Variants in LRRTM4 observed in about 807,000 individuals in gnomAD.
The protein encoded by LRRTM4 is leucine rich repeat transmembrane neuronal 4.
LRRTM4 carries 25 observed loss-of-function variants against 47.6 expected under a neutral mutation model. The ratio of observed to expected loss-of-function variants is 0.53; its 90% confidence interval spans 0.38 to 0.73. LRRTM4 has a LOEUF of 0.73. Ranked by LOEUF, LRRTM4 falls within the 30% of genes least tolerant of loss-of-function variation. The pLI, the probability that LRRTM4 is intolerant of heterozygous loss-of-function variation, is 0.00. For synonymous variants in LRRTM4, 311 were observed against 269.5 expected (o/e 1.15, Z -1.51); for missense variants, 638 against 713.4 (o/e 0.89, Z 1.20).
chr2:77,092,142 T>G (rs1178445941), intron 3 of LRRTM4, among the ~76,000 whole-genome samples: 1 of 152,158 alleles, frequency 6.6e-6, no homozygotes, highest in Non-Finnish European at 1.5e-5. Flanking sequence ...ACCTGACGCA[T>G]ATACTTTCTG....
At chr2:76,774,591 T>A (rs915236171) in intron 3 of LRRTM4, among the ~76,000 whole-genome samples, 7 of 152,162 alleles carry the variant, frequency 4.6e-5, no homozygotes, top group Non-Finnish European at 1.0e-4. Context: ...CCTTATTATC[T>A]TCACATTGAG....
intron 3 of LRRTM4, among the ~76,000 whole-genome samples, chr2:77,260,279 A>G (rs1414458208): frequency 6.6e-6 from 1 of 152,066 alleles, no homozygotes; most frequent in Non-Finnish European, 1.5e-5. Flanking sequence ...ATGAACGAGT[A>G]AAAGTGCATA....
chr2:76,858,031 A>C (rs1049217081), intron 3 of LRRTM4, among the ~76,000 whole-genome samples: 1 of 152,152 alleles, frequency 6.6e-6, no homozygotes, highest in Non-Finnish European at 1.5e-5. Context: ...ATAACAATTG[A>C]AACAGTATAA....
intron 3 of LRRTM4, among the ~76,000 whole-genome samples, chr2:77,195,107 T>C (rs1217151347): frequency 6.6e-6 from 1 of 151,952 alleles, no homozygotes; most frequent in Non-Finnish European, 1.5e-5. Flanking sequence ...TTCAACAATA[T>C]CCCTTTGGTT....
At chr2:76,808,252 T>C (rs1433918355) in intron 3 of LRRTM4, among the ~76,000 whole-genome samples, 1 of 152,038 alleles carries the variant, frequency 6.6e-6, no homozygotes, top group African/African-American at 2.4e-5. Context: ...ACTCCTGACT[T>C]CGTGATCCGC....
chr2:76,937,086 G>T (rs926657903), intron 3 of LRRTM4, among the ~76,000 whole-genome samples: 2 of 151,208 alleles, frequency 1.3e-5, no homozygotes, highest in African/African-American at 4.9e-5. Flanking sequence ...CATCATCTGA[G>T]GGTGAAAGTT....
Position 76,783,654 on chromosome 2 carries a change from G to GAATT in LRRTM4, c.1552-34742_1552-34739dup, listed in dbSNP as rs139191808. Among the ~76,000 whole-genome samples, 485 of 152,224 alleles carry GAATT rather than the reference G, an allele frequency of 3.2e-3. 6 individuals are homozygous for GAATT. The East Asian group carries it at 0.051, about 16-fold the overall frequency. The stretch of plus-strand genomic sequence containing the variant: ...CAAGGAAATTAATTGATTTAATCCT[G>GAATT]AATTAAAACTAATTCCGGGTAAAAC... On this transcript the variant is annotated intron_variant, in intron 3 of 3. Coordinates refer to ENST00000409884, the MANE Select transcript of LRRTM4 (RefSeq NM_001134745.3).
chr2:77,339,342 T>G, intron 3 of LRRTM4, among the ~76,000 whole-genome samples: 1 of 152,076 alleles, frequency 6.6e-6, no homozygotes, highest in East Asian at 1.9e-4. Context: ...CTAAAAATAC[T>G]TTAAATATAA....
At chr2:77,399,149 T>A (rs939538899) in intron 3 of LRRTM4, among the ~76,000 whole-genome samples, 1 of 150,444 alleles carries the variant, frequency 6.6e-6, no homozygotes, top group Admixed American at 6.7e-5. Flanking sequence ...TCAATAGGGG[T>A]CCAGAACAAC....
chr2:76,952,091 G>A (rs1343303605), intron 3 of LRRTM4, among the ~76,000 whole-genome samples: 2 of 151,996 alleles, frequency 1.3e-5, no homozygotes, highest in Non-Finnish European at 1.5e-5. Context: ...ATAAACATAG[G>A]TGTGCATGTG....
intron 3 of LRRTM4, among the ~76,000 whole-genome samples, chr2:77,258,845 T>C (rs1216018930): frequency 6.6e-6 from 1 of 151,918 alleles, no homozygotes; most frequent in Non-Finnish European, 1.5e-5. Flanking sequence ...AGTTCACCTA[T>C]TAATTAGAAT....
intron 3 of LRRTM4, among the ~76,000 whole-genome samples, chr2:76,796,117 A>G (rs1675302425): frequency 7.1e-6 from 1 of 141,014 alleles, no homozygotes; most frequent in South Asian, 2.3e-4. Flanking sequence ...CAGGCTTAAA[A>G]AAACGGCACA....
rs183404764 is a variant in LRRTM4 at position 77,290,177 on chromosome 2, C to T, written c.1551+228141G>A. 6.0e-4 allele frequency among the ~76,000 whole-genome samples: 91 copies of T among 152,020 alleles called. No individual in the cohort carries two copies. The East Asian group carries it at 0.018, about 29-fold the overall frequency. On this transcript the variant is annotated intron_variant, in intron 3 of 3. Transcript: ENST00000409884. Reference sequence around the variant, plus strand: ...CCAGTCCACACTAATGTAAACCCTACTATTAGGTGAAACTTTCCCAGTCAC... The same window carrying T: ...CCAGTCCACACTAATGTAAACCCTATTATTAGGTGAAACTTTCCCAGTCAC...
intron 3 of LRRTM4, among the ~76,000 whole-genome samples, chr2:77,215,346 A>G (rs561177289): frequency 2.8e-4 from 42 of 152,312 alleles, no homozygotes; most frequent in African/African-American, 9.6e-4. Context: ...AAGGTGTTTT[A>G]GATGCTTCAT....
intron 3 of LRRTM4, among the ~76,000 whole-genome samples, chr2:77,430,413 A>C (rs982928219): frequency 1.3e-5 from 2 of 152,122 alleles, no homozygotes; most frequent in Admixed American, 1.3e-4. Flanking sequence ...TGTGATGATT[A>C]ATTTTAGAAT....
intron 3 of LRRTM4, among the ~76,000 whole-genome samples, chr2:77,420,191 C>T (rs912232825): frequency 9.9e-5 from 15 of 152,154 alleles, no homozygotes; most frequent in African/African-American, 1.4e-4. Context: ...GGAGATCTCC[C>T]TCAGTGTCTT....
intron 3 of LRRTM4, among the ~76,000 whole-genome samples, chr2:77,490,304 T>C (rs1678092251): frequency 6.6e-6 from 1 of 151,458 alleles, no homozygotes; most frequent in African/African-American, 2.4e-5. Context: ...TGACAAGACT[T>C]GAAGAAAAAT....
At position 76,777,162 on chromosome 2, in the gene LRRTM4, C is replaced by A. The variant is rs535217818; in HGVS notation, c.1552-28246G>T. ...TACCATGCTGTTTTGGTTACTGTAG[C>A]CTTGCAGTATAGTTTGAAGTCAGGG... On this transcript the variant is annotated intron_variant, in intron 3 of 3. Transcript: ENST00000409884. Among the ~76,000 whole-genome samples the A allele has an allele frequency of 1.1e-4, 16 of 150,548 alleles. 3 individuals are homozygous for A. The South Asian group carries it at 2.0e-3, about 19-fold the overall frequency.
rs1278451502 is a variant in LRRTM4, at chr2:77,358,602, TA to T, written c.1551+159715del. Among the ~76,000 whole-genome samples the T allele has an allele frequency of 1.2e-4, 19 of 152,336 alleles. No homozygotes were observed. In the East Asian group the frequency reaches 2.3e-3, roughly 19 times the overall value. The stretch of plus-strand genomic sequence containing the variant: ...TTCCCACATATTTGAATATTTTTAA[TA>T]AGATAATTATTAGATGTTGAAGTAC... On this transcript the variant is annotated intron_variant, in intron 3 of 3. Coordinates refer to ENST00000409884, the MANE Select transcript of LRRTM4 (RefSeq NM_001134745.3).
Sources: gnomAD v4.1 joint callset for allele counts (sites outside exome capture counted in the v4.1 genomes callset) on GRCh38, gnomAD v4.1.1 for gene constraint, MANE v1.5 for transcripts, NCBI Gene and HGNC (gene_info 2026-07-23, HGNC 2026-07-21) for gene names.